The following SAMMSON variants were observed in gnomAD, a reference collection of about 807,000 sequenced individuals.
SAMMSON encodes the protein long intergenic non-protein coding RNA 1212.
At chr3:70,080,705 T>A (rs537230323) in intron 4 of SAMMSON, among the ~76,000 whole-genome samples, 2 of 152,004 alleles carry the variant, frequency 1.3e-5, no homozygotes, top group South Asian at 2.1e-4. Context: ...TTTTTTTTTT[T>A]AACCAAATAA....
At chr3:70,332,461 A>C (rs908630331) in intron 7 of SAMMSON, among the ~76,000 whole-genome samples, 6 of 152,156 alleles carry the variant, frequency 3.9e-5, no homozygotes, top group Non-Finnish European at 7.3e-5. Flanking sequence ...GTGGATGTCC[A>C]AGTGTCATCT....
chr3:70,332,935 A>G (rs1192092522), intron 7 of SAMMSON: 1 of 152,206 alleles, frequency 6.6e-6, no homozygotes, highest in African/African-American at 2.4e-5. Context: ...TGATGTTACT[A>G]TGAGTAATAA....
chr3:70,350,441 C>A (rs1702785886), intron 7 of SAMMSON, among the ~76,000 whole-genome samples: 1 of 152,104 alleles, frequency 6.6e-6, no homozygotes, highest in Middle Eastern at 3.4e-3. Context: ...TATCTAAAAT[C>A]TGAGTTTGTT....
intron 4 of SAMMSON, among the ~76,000 whole-genome samples, chr3:70,119,223 C>T (rs1368485005): frequency 6.6e-6 from 1 of 152,062 alleles, no homozygotes; most frequent in African/African-American, 2.4e-5. Flanking sequence ...CCCGCCACCA[C>T]ACCTGGCTAA....
At chr3:70,061,450 G>A (rs1400156876) in intron 3 of SAMMSON, among the ~76,000 whole-genome samples, 1 of 152,126 alleles carries the variant, frequency 6.6e-6, no homozygotes, top group Non-Finnish European at 1.5e-5. Flanking sequence ...CACATCGAGA[G>A]ACTGCATATA....
At chr3:70,375,810 A>T (rs1575636517) in intron 9 of SAMMSON, among the ~76,000 whole-genome samples, 1 of 150,394 alleles carries the variant, frequency 6.6e-6, no homozygotes, top group South Asian at 2.1e-4. Context: ...ATTTTTGCTG[A>T]CTCTCTCCGG....
intron 6 of SAMMSON, among the ~76,000 whole-genome samples, chr3:70,287,847 G>A (rs1458778084): frequency 6.6e-6 from 1 of 151,866 alleles, no homozygotes; most frequent in Admixed American, 6.6e-5. Flanking sequence ...TATTTGCGTA[G>A]AGGTGTTTGT....
At chr3:70,289,380 T>C (rs1168755479) in intron 6 of SAMMSON, among the ~76,000 whole-genome samples, 83 of 150,594 alleles carry the variant, frequency 5.5e-4, no homozygotes, top group Middle Eastern at 3.5e-3. Flanking sequence ...GAATGTTGAA[T>C]ATTGGCCCCC....
intron 6 of SAMMSON, among the ~76,000 whole-genome samples, chr3:70,267,969 G>A (rs1701936106): frequency 8.1e-6 from 1 of 122,866 alleles, no homozygotes; most frequent in African/African-American, 3.2e-5. Flanking sequence ...CTTTCCTTTC[G>A]CCTCCCCTTT....
intron 4 of SAMMSON, among the ~76,000 whole-genome samples, chr3:70,230,022 A>G (rs377269023): frequency 6.6e-6 from 1 of 152,174 alleles, no homozygotes; most frequent in Non-Finnish European, 1.5e-5. Context: ...ATTTTATCAT[A>G]TTAAAAGTGC....
rs1036616598 is a variant in SAMMSON at position 70,249,873 on chromosome 3, G to A, written n.674+203G>A. ...TGCTGAAATTCCTTTATTTGCTAAC[G>A]TTAATAAAAAAATTCTTGAGGGGGC... On this transcript the variant is annotated intron_variant and non_coding_transcript_variant, in intron 6 of 9. Transcript: ENST00000642114. Among the ~76,000 whole-genome samples the A allele has an allele frequency of 8.6e-5, 13 of 152,016 alleles. 1 individual carries two copies. The highest frequency in any genetic ancestry group is 1.5e-5 in the Non-Finnish European group (1 of 67,992).
chr3:70,018,831 C>T (rs1418368743), intron 3 of SAMMSON, among the ~76,000 whole-genome samples: 3 of 152,250 alleles, frequency 2.0e-5, no homozygotes, highest in South Asian at 2.1e-4. Context: ...GCCTTCATTT[C>T]GTTATGGACT....
chr3:70,115,767 A>G (rs1180892620), intron 4 of SAMMSON, among the ~76,000 whole-genome samples: 1 of 152,140 alleles, frequency 6.6e-6, no homozygotes, highest in Non-Finnish European at 1.5e-5. Flanking sequence ...AAATGAATAA[A>G]CAAATGCTTT....
intron 6 of SAMMSON, among the ~76,000 whole-genome samples, chr3:70,263,770 A>G (rs1383857853): frequency 6.6e-6 from 1 of 152,050 alleles, no homozygotes; most frequent in African/African-American, 2.4e-5. Context: ...CCTTCATCTC[A>G]GTAACACTGT....
intron 4 of SAMMSON, among the ~76,000 whole-genome samples, chr3:70,199,925 C>G (rs946677818): frequency 3.3e-5 from 5 of 152,180 alleles, no homozygotes; most frequent in Non-Finnish European, 5.9e-5. Flanking sequence ...CAAGGCCAAA[C>G]TGCATTTTGG....
chr3:70,161,996 T>C (rs974398616), intron 4 of SAMMSON, among the ~76,000 whole-genome samples: 1 of 151,882 alleles, frequency 6.6e-6, no homozygotes, highest in Admixed American at 6.6e-5. Context: ...TGCTCTTTCA[T>C]CTTTAATTTT....
At chr3:70,321,144 T>C (rs1030942389) in intron 7 of SAMMSON, among the ~76,000 whole-genome samples, 2 of 152,064 alleles carry the variant, frequency 1.3e-5, no homozygotes, top group Admixed American at 6.6e-5. Context: ...ACAAGGCATA[T>C]GCTTTGATCA....
intron 3 of SAMMSON, among the ~76,000 whole-genome samples, chr3:70,063,000 T>C (rs2067196043): frequency 6.6e-6 from 1 of 152,080 alleles, no homozygotes; most frequent in Non-Finnish European, 1.5e-5. Context: ...TGGTGTCCCT[T>C]CTGCCCTTCA....
chr3:70,085,714 C>G (rs951923614), intron 4 of SAMMSON, among the ~76,000 whole-genome samples: 11 of 152,150 alleles, frequency 7.2e-5, no homozygotes, highest in Admixed American at 6.6e-4. Flanking sequence ...TGTTAGTAGA[C>G]TCAGTTTAAA....
Sources: allele counts gnomAD v4.1 joint callset (sites outside exome capture counted in the v4.1 genomes callset), GRCh38; gene constraint gnomAD v4.1.1; transcripts MANE v1.5; gene names NCBI Gene and HGNC (gene_info 2026-07-23, HGNC 2026-07-21).